Variants in TRPM4 observed in about 807,000 individuals in gnomAD.
The protein encoded by TRPM4 is transient receptor potential cation channel subfamily M member 4, also known as calcium-activated non-selective cation channel 1.
TRPM4 carries 124 observed loss-of-function variants against 135.6 expected under a neutral mutation model. The observed-to-expected ratio is 0.91, with a 90% CI of 0.79 to 1.06. The LOEUF is 1.06. TRPM4 is among the 50% of genes least tolerant of loss of function. The pLI is 0.00. For missense variants in TRPM4, 1,658 were observed against 1,671.4 expected, an observed-to-expected ratio of 0.99 and a Z score of 0.14; for synonymous variants, 745 against 705.6, an observed-to-expected ratio of 1.06 and a Z score of -0.88.
intron 17 of TRPM4, among the ~76,000 whole-genome samples, chr19:49,197,352 C>CT (rs1243052515): frequency 1.7e-4 from 18 of 107,886 alleles, no homozygotes; most frequent in African/African-American, 9.4e-4. Flanking sequence ...TTCTTTCTTT[C>CT]TTTCTTTCTT....
intron 9 of TRPM4, among the ~76,000 whole-genome samples, chr19:49,173,520 C>G (rs560938500): frequency 1.3e-5 from 2 of 152,336 alleles, no homozygotes; most frequent in Admixed American, 1.3e-4. Flanking sequence ...AGCACTCTGG[C>G]TAGACATGAA....
Position 49,182,816 on chromosome 19 carries a change from C to T in TRPM4, c.1502C>T (p.Pro501Leu). The T allele has an allele frequency of 6.2e-7, 1 of 1,613,436 alleles. No individual in the cohort carries two copies. The highest frequency in any genetic ancestry group is 8.5e-7 in the Non-Finnish European group (1 of 1,179,862). Residue 501 changes from proline to leucine, a missense_variant, in exon 11 of 25, where the codon CCT becomes CTT. Around this residue, in one of 3 missense-constraint regions of TRPM4, gnomAD observed 1,412 missense variants for 1,408.7 expected, o/e 1.00. Coordinates refer to ENST00000252826, the MANE Select transcript of TRPM4 (RefSeq NM_017636.4). Reference protein sequence around the residue: ...LKGGAAELRPPDVGHVLRMLL... With the variant: ...LKGGAAELRPLDVGHVLRMLL... ...GGGGGAGCTGCGGAGCTCCGGCCCCCTGACGTGGGGCATGTGCTGAGGATG... is the reference window on the plus strand; with the variant it reads ...GGGGGAGCTGCGGAGCTCCGGCCCCTTGACGTGGGGCATGTGCTGAGGATG...
intron 1 of TRPM4, 137 bp downstream of exon 1, chr19:49,158,027 C>G (rs2041547821): frequency 7.8e-7 from 1 of 1,289,548 alleles, no homozygotes; most frequent in Non-Finnish European, 1.1e-6. Flanking sequence ...TTCCAGGGTC[C>G]AGGGCATGGG....
At chr19:49,191,470 T>A (rs1006869131) in intron 16 of TRPM4, among the ~76,000 whole-genome samples, 26 of 152,030 alleles carry the variant, frequency 1.7e-4, no homozygotes, top group African/African-American at 6.3e-4. Flanking sequence ...CCTCCCAAAG[T>A]GCTGGGATTA....
chr19:49,188,559 C>T, intron 12 of TRPM4, 82 bp from the exon 13 acceptor site: 1 of 1,601,814 alleles, frequency 6.2e-7, no homozygotes, highest in African/African-American at 1.3e-5. Context: ...TGACCTCTGA[C>T]TCTGTTCCTT....
At chr19:49,194,255 TCTC>T (rs946194670) in intron 16 of TRPM4, among the ~76,000 whole-genome samples, 1 of 151,930 alleles carries the variant, frequency 6.6e-6, no homozygotes, top group African/African-American at 2.4e-5. Context: ...TCCTTCTCCT[TCTC>T]CTTTCTTCTT....
chr19:49,188,991 G>A lies in TRPM4; in HGVS notation c.1919G>A (p.Arg640His). ...CGCAGCAGTGAGGTGAGGGCTGCCC[G>A]CCTCCTCCTCCGTCGCTGCCCGCTC... ...CYRSSEVRAA[R>H]LLLRRCPLWG... The change falls in exon 14 of 25, where the codon CGC (arginine) becomes CAC (histidine). Residue 640 changes from arginine to histidine, a missense_variant. Around this residue, in one of 3 missense-constraint regions of TRPM4, gnomAD observed 1,412 missense variants for 1,408.7 expected, o/e 1.00. Coordinates refer to ENST00000252826, the MANE Select transcript of TRPM4 (RefSeq NM_017636.4). The A allele has an allele frequency of 1.9e-6, 3 of 1,614,094 alleles. No homozygotes were observed. The highest frequency in any genetic ancestry group is 2.5e-6 in the Non-Finnish European group (3 of 1,180,016).
chr19:49,198,502 G>T (rs1235591530), intron 17 of TRPM4, among the ~76,000 whole-genome samples: 1 of 151,926 alleles, frequency 6.6e-6, no homozygotes, highest in East Asian at 1.9e-4. Context: ...CAAAAAATTA[G>T]CCGGGCATGG....
chr19:49,170,507 G>A (rs1479976528), intron 6 of TRPM4, among the ~76,000 whole-genome samples: 1 of 152,146 alleles, frequency 6.6e-6, no homozygotes, highest in Non-Finnish European at 1.5e-5. Context: ...AATTTTAATG[G>A]AAGTAGAGTC....
At chr19:49,179,208 A>G (rs1416373613) in intron 9 of TRPM4, among the ~76,000 whole-genome samples, 1 of 150,594 alleles carries the variant, frequency 6.6e-6, no homozygotes, top group Non-Finnish European at 1.5e-5. Flanking sequence ...GGCATGAGCC[A>G]CCACGCCCAG....
chr19:49,202,620 G>A (rs1268183161), intron 20 of TRPM4, among the ~76,000 whole-genome samples: 1 of 152,098 alleles, frequency 6.6e-6, no homozygotes, highest in Non-Finnish European at 1.5e-5. Context: ...AAAGTGCTGG[G>A]ATAATCTGTC....
chr19:49,167,967 C>T lies in TRPM4; in HGVS notation c.318C>T (p.Val106=), dbSNP rs769684226. ...ATCCAGCTGCAGTTTATAGTCTGGT[C>T]ACACGCACATGGGGCTTCCGTGCCC... ...RTDPAAVYSL[V]TRTWGFRAPN... The change falls in exon 4 of 25, where the codon GTC becomes GTT. Residue 106 remains valine, a synonymous_variant. Transcript: ENST00000252826. 6.2e-7 allele frequency: 1 copy of T among 1,613,988 alleles called. No homozygotes were observed. Among genetic ancestry groups the T allele is most frequent in the African/African-American group, 1.3e-5 (1 of 74,948 alleles).
intron 20 of TRPM4, 148 bp downstream of exon 20, chr19:49,202,289 C>G: frequency 1.1e-6 from 1 of 938,620 alleles, no homozygotes; most frequent in Non-Finnish European, 1.7e-6. Flanking sequence ...CCAACCAGAC[C>G]CTGCTTGTAA....
intron 16 of TRPM4, among the ~76,000 whole-genome samples, chr19:49,192,238 G>A (rs1287493848): frequency 6.6e-6 from 1 of 152,156 alleles, no homozygotes; most frequent in African/African-American, 2.4e-5. Flanking sequence ...CGCCTCCTGA[G>A]TTCAAGCGAT....
intron 14 of TRPM4, among the ~76,000 whole-genome samples, chr19:49,189,965 A>C (rs1283189613): frequency 6.6e-6 from 1 of 152,176 alleles, no homozygotes; most frequent in Admixed American, 6.5e-5. Flanking sequence ...CGGTGGACTA[A>C]TCTACATAAA....
chr19:49,182,406 A>G (rs1294254351), intron 10 of TRPM4, 172 bp from the exon 11 acceptor site: 9 of 660,794 alleles, frequency 1.4e-5, no homozygotes, highest in Non-Finnish European at 2.2e-5. Flanking sequence ...CCATCCATCC[A>G]TCTGTCCATC....
Position 49,194,406 on chromosome 19 carries a change from G to A in TRPM4, c.2211-2034G>A, listed in dbSNP as rs569859294. 3.3e-5 allele frequency among the ~76,000 whole-genome samples: 5 copies of A among 151,984 alleles called. No homozygotes were observed. The East Asian group carries it at 5.8e-4, about 18-fold the overall frequency. ...GTAGCTACAGATGCATGCTATGCTC[G>A]GCTAATTTTTATATGTTTTGTAGAG... On this transcript the variant is annotated intron_variant, in intron 16 of 24. Coordinates refer to ENST00000252826, the MANE Select transcript of TRPM4 (RefSeq NM_017636.4).
intron 9 of TRPM4, among the ~76,000 whole-genome samples, chr19:49,176,826 G>C (rs936168959): frequency 6.6e-6 from 1 of 152,130 alleles, no homozygotes; most frequent in Non-Finnish European, 1.5e-5. Context: ...ACTCCAGCCT[G>C]GGCGACAGAG....
chr19:49,180,974 G>T (rs1192708894), intron 9 of TRPM4, among the ~76,000 whole-genome samples: 1 of 152,102 alleles, frequency 6.6e-6, no homozygotes, highest in Non-Finnish European at 1.5e-5. Context: ...CAAGCACCCT[G>T]AGGGTAGTTA....
Sources: allele counts gnomAD v4.1 joint callset (sites outside exome capture counted in the v4.1 genomes callset), GRCh38; gene constraint gnomAD v4.1.1; regional missense constraint gnomAD v4.1.1; transcripts MANE v1.5; gene names NCBI Gene and HGNC (gene_info 2026-07-23, HGNC 2026-07-21).